Variants in PUS7 observed in about 807,000 individuals in gnomAD.
The protein encoded by PUS7 is pseudouridylate synthase 7 homolog.
A neutral mutation model predicts 79.8 loss-of-function variants in PUS7; 48 were observed. The ratio of observed to expected loss-of-function variants is 0.60; its 90% CI spans 0.48 to 0.76. The LOEUF is 0.76. Ranked by LOEUF, PUS7 falls within the 30% of genes least tolerant of loss-of-function variation. The probability of loss-of-function intolerance (pLI) is 0.00; values close to 1 mark genes in which losing one functional copy is unlikely to be tolerated. For synonymous variants in PUS7, 286 were observed against 272.2 expected (o/e 1.05, Z -0.50); for missense variants, 729 against 797.6 (o/e 0.91, Z 1.04).
At chr7:105,503,485 G>A (rs1466141575) in intron 4 of PUS7, among the ~76,000 whole-genome samples, 1 of 152,084 alleles carries the variant, frequency 6.6e-6, no homozygotes, top group East Asian at 1.9e-4. Flanking sequence ...GCGTGTGAGT[G>A]CATCTCATAC....
At position 105,468,442 on chromosome 7, in the gene PUS7, T is replaced by C; in HGVS notation, c.1420A>G (p.Met474Val). Residue 474 changes from methionine (M) to valine (V), a missense_variant, in exon 12 of 16, where the codon ATG becomes GTG. Physicochemically the swap from Met to Val is conservative, Grantham distance 21. Coordinates refer to ENST00000469408, the MANE Select transcript of PUS7 (RefSeq NM_019042.5). Reference protein sequence around the residue: ...FGIIPRNNRLMYIHSYQSYVW... With the variant: ...FGIIPRNNRLVYIHSYQSYVW... ...TAGCTTTGGTAGCTATGAATATACATTAAGCGATTATTTCTGGGTATCTGG... is the reference window on the plus strand; with the variant it reads ...TAGCTTTGGTAGCTATGAATATACACTAAGCGATTATTTCTGGGTATCTGG... The C allele has an allele frequency of 6.2e-7, 1 of 1,607,486 alleles. No individual in the cohort carries two copies. The highest frequency in any genetic ancestry group is 8.5e-7 in the Non-Finnish European group (1 of 1,176,154).
chr7:105,495,476 G>T (rs904816815), intron 5 of PUS7: 3 of 343,886 alleles, frequency 8.7e-6, no homozygotes, highest in Non-Finnish European at 1.6e-5. Flanking sequence ...AAATGTGGCT[G>T]GGCACGGTGG....
chr7:105,465,879 C>G (rs542140964), intron 12 of PUS7, among the ~76,000 whole-genome samples: 1 of 151,936 alleles, frequency 6.6e-6, no homozygotes, highest in Non-Finnish European at 1.5e-5. Context: ...AAGCTGGGGC[C>G]AGGAGCAGTG....
intron 14 of PUS7, among the ~76,000 whole-genome samples, chr7:105,460,702 A>C (rs896422416): frequency 1.3e-5 from 2 of 151,144 alleles, no homozygotes; most frequent in African/African-American, 2.4e-5. Context: ...AAAATACAAA[A>C]AATTAGCCGG....
chr7:105,507,453 A>C (rs2668882), intron 2 of PUS7, among the ~76,000 whole-genome samples: 146,230 of 152,286 alleles, frequency 0.96, 70,242 homozygotes, highest in African/African-American at 0.99. Context: ...CCTTCTTCTA[A>C]CATAGTTGTG....
chr7:105,457,753 C>G lies in PUS7; in HGVS notation c.*37G>C. The G allele has an allele frequency of 6.2e-7, 1 of 1,604,968 alleles. No homozygotes were observed. Among genetic ancestry groups the G allele is most frequent in the Non-Finnish European group, 8.5e-7 (1 of 1,174,702 alleles). ...TGCACAGGGAGCCAGGAAGCAAACA[C>G]TTGTGTACGTTTTCTAATCTGTGGA... On this transcript the variant is annotated 3_prime_UTR_variant, in exon 16 of 16. Coordinates refer to ENST00000469408, the MANE Select transcript of PUS7 (RefSeq NM_019042.5).
chr7:105,457,884 G>A lies in PUS7; in HGVS notation c.1892C>T (p.Pro631Leu), dbSNP rs778753485. The A allele has an allele frequency of 4.3e-6, 7 of 1,614,082 alleles. No individual in the cohort carries two copies. Among genetic ancestry groups the A allele is most frequent in the Non-Finnish European group, 4.2e-6 (5 of 1,179,962 alleles). The change falls in exon 16 of 16, where the codon CCT becomes CTT. Residue 631 changes from proline to leucine, a missense_variant. Transcript: ENST00000469408. ...RALKMDFSLP[P>L]STYATMAIRE... The stretch of plus-strand genomic sequence containing the variant: ...AATGGCCATGGTGGCGTAAGTAGAA[G>A]GGGGTAGAGAAAAATCCATTTTCAG...
rs569320346 is a variant in PUS7 at position 105,517,117 on chromosome 7, G to C, written c.-33+4935C>G. Among the ~76,000 whole-genome samples the C allele has an allele frequency of 5.3e-5, 8 of 151,856 alleles. 1 individual carries two copies. The East Asian group carries it at 1.2e-3, about 22-fold the overall frequency. ...GAAGCCTGATGTTAAACCAGGAAGA[G>C]AATGAACTCCTCTGATACTTTCCCC... On this transcript the variant is annotated intron_variant, in intron 1 of 15. Transcript: ENST00000469408.
chr7:105,470,585 T>C (rs1823831998), intron 11 of PUS7, 103 bp downstream of exon 11: 10 of 1,330,520 alleles, frequency 7.5e-6, no homozygotes, highest in Non-Finnish European at 1.0e-5. Context: ...AGGATCCTTA[T>C]TTACCTTCTG....
At chr7:105,483,556 C>T (rs910058884) in intron 7 of PUS7, among the ~76,000 whole-genome samples, 8 of 152,176 alleles carry the variant, frequency 5.3e-5, no homozygotes, top group African/African-American at 1.7e-4. Context: ...ACATTGGCCT[C>T]GCACAGTGCT....
rs749438922 is a variant in PUS7, at chr7:105,508,435, T to G, written c.78A>C (p.Pro26=). The G allele has an allele frequency of 2.5e-6, 4 of 1,614,056 alleles. No homozygotes were observed. In the African/African-American group the frequency reaches 4.0e-5, roughly 16 times the overall value. The change falls in exon 2 of 16, where the codon CCA becomes CCC. Residue 26 remains proline (P), a synonymous_variant. Transcript: ENST00000469408. ...GCTTCTGTTTTTTTGTCTCTTCAAC[T>G]GGGACTCCACTGTCATTATCTTCGA... The part of the protein sequence containing the change: ...LVVEDNDSGV[P]VEETKKQKLS...
At chr7:105,503,291 A>G (rs942916619) in intron 4 of PUS7, among the ~76,000 whole-genome samples, 1 of 152,192 alleles carries the variant, frequency 6.6e-6, no homozygotes, top group African/African-American at 2.4e-5. Flanking sequence ...GGGATCCTAC[A>G]TGAAAATGCA....
chr7:105,511,179 G>A (rs117744044), intron 1 of PUS7, among the ~76,000 whole-genome samples: 7,172 of 133,926 alleles, frequency 0.054, 350 homozygotes, highest in South Asian at 0.081. Context: ...TTACAGGCAC[G>A]CCCGCCACTA....
At chr7:105,507,383 A>G (rs1220150355) in intron 2 of PUS7, among the ~76,000 whole-genome samples, 1 of 152,048 alleles carries the variant, frequency 6.6e-6, no homozygotes, top group Admixed American at 6.6e-5. Flanking sequence ...AGGTTCAGAG[A>G]GGCTAAGTAA....
In PUS7 at chr7:105,491,621, G is replaced by C; in HGVS notation, c.843-4C>G. The C allele has an allele frequency of 1.3e-6, 2 of 1,543,570 alleles. No homozygotes were observed. Among genetic ancestry groups the C allele is most frequent in the East Asian group, 2.2e-5 (1 of 44,460 alleles). On this transcript the variant is annotated splice_region_variant and splice_polypyrimidine_tract_variant and intron_variant, in intron 6 of 15. Coordinates refer to ENST00000469408, the MANE Select transcript of PUS7 (RefSeq NM_019042.5). ...GGAGAATATATTTGGCTTGACTCTG[G>C]TAAGAGAGAAACAAGATCATCTGAA...
At chr7:105,482,262 G>A in intron 8 of PUS7, 50 bp downstream of exon 8, 2 of 1,582,932 alleles carry the variant, frequency 1.3e-6, no homozygotes, top group Non-Finnish European at 1.7e-6. Context: ...ACATACTCAA[G>A]ATGCCCTGGC....
chr7:105,508,957 G>A (rs77713013), intron 1 of PUS7, among the ~76,000 whole-genome samples: 10,555 of 144,806 alleles, frequency 0.073, 424 homozygotes, highest in East Asian at 0.12. Flanking sequence ...GAGGTGGGCG[G>A]ATCACAAGGT....
intron 7 of PUS7, among the ~76,000 whole-genome samples, chr7:105,485,297 C>T (rs553373749): frequency 2.2e-4 from 34 of 152,378 alleles, no homozygotes; most frequent in African/African-American, 3.8e-4. Flanking sequence ...GCAACCTCCG[C>T]TTCCCGGGTT....
intron 7 of PUS7, among the ~76,000 whole-genome samples, chr7:105,483,443 G>A (rs911537922): frequency 3.1e-4 from 47 of 151,290 alleles, no homozygotes; most frequent in Non-Finnish European, 5.9e-4. Flanking sequence ...GAGATTACAG[G>A]TATGAGCCAC....
Sources: gnomAD v4.1 joint callset for allele counts (sites outside exome capture counted in the v4.1 genomes callset) on GRCh38, gnomAD v4.1.1 for gene constraint, MANE v1.5 for transcripts, NCBI Gene and HGNC (gene_info 2026-07-23, HGNC 2026-07-21) for gene names.